Variants in LINGO2 observed in about 807,000 individuals in gnomAD.
LINGO2 encodes leucine-rich repeat and immunoglobulin-like domain-containing nogo receptor-interacting protein 2.
Under a neutral mutation model 30.6 loss-of-function variants are expected in LINGO2, and 14 were observed. That is an observed-to-expected ratio of 0.46 (90% CI 0.30 to 0.72). The LOEUF is 0.72. LINGO2 is among the 30% of genes least tolerant of loss of function. The pLI, the probability that LINGO2 is intolerant of heterozygous loss-of-function variation, is 0.07. For synonymous variants in LINGO2, 317 were observed against 288.5 expected (o/e 1.10, Z -1.00); for missense variants, 729 against 751.7 (o/e 0.97, Z 0.35).
At chr9:29,019,815 A>G in the LINGO2 span, among the ~76,000 whole-genome samples, 3 of 152,188 alleles carry the variant, frequency 2.0e-5, no homozygotes, top group South Asian at 6.2e-4. Flanking sequence ...ATTATCAGAT[A>G]TCTTTCTATT....
chr9:29,084,066 A>T, the LINGO2 span, among the ~76,000 whole-genome samples: 1 of 151,954 alleles, frequency 6.6e-6, no homozygotes, highest in Non-Finnish European at 1.5e-5. Flanking sequence ...ACTCTTTTCT[A>T]TACTAAAACT....
the LINGO2 span, among the ~76,000 whole-genome samples, chr9:28,921,830 T>C: frequency 6.6e-6 from 1 of 152,178 alleles, no homozygotes; most frequent in African/African-American, 2.4e-5. Flanking sequence ...TAGTTTCAAA[T>C]TGTAAACATC....
At chr9:28,804,534 C>T in the LINGO2 span, among the ~76,000 whole-genome samples, 1 of 53,544 alleles carries the variant, frequency 1.9e-5, no homozygotes, top group East Asian at 1.6e-3. Context: ...GTGTTCACGG[C>T]AAAAACAAAA....
At chr9:28,637,630 A>G (rs1460587911) in intron 1 of LINGO2, among the ~76,000 whole-genome samples, 1 of 152,064 alleles carries the variant, frequency 6.6e-6, no homozygotes, top group African/African-American at 2.4e-5. Flanking sequence ...TTTATCTGTT[A>G]TTGGTGTATA....
At chr9:28,168,390 T>C (rs539317297) in intron 4 of LINGO2, among the ~76,000 whole-genome samples, 1 of 152,334 alleles carries the variant, frequency 6.6e-6, no homozygotes, top group East Asian at 1.9e-4. Context: ...CAGGAAGGCT[T>C]CTTCAGGAAA....
chr9:28,854,865 G>A, the LINGO2 span, among the ~76,000 whole-genome samples: 3 of 152,058 alleles, frequency 2.0e-5, no homozygotes, highest in Non-Finnish European at 4.4e-5. Flanking sequence ...AGAGCCACAT[G>A]CTTGAGTTAG....
chr9:28,970,240 G>C, the LINGO2 span, among the ~76,000 whole-genome samples: 1 of 152,130 alleles, frequency 6.6e-6, no homozygotes. Context: ...GAAGGGCCTA[G>C]ACTACTGGAA....
intron 1 of LINGO2, among the ~76,000 whole-genome samples, chr9:28,534,767 G>A (rs1354527569): frequency 6.6e-6 from 1 of 152,048 alleles, no homozygotes; most frequent in Non-Finnish European, 1.5e-5. Context: ...TTGTACATCA[G>A]AAAAATATCT....
At chr9:29,039,976 G>A in the LINGO2 span, among the ~76,000 whole-genome samples, 1 of 151,946 alleles carries the variant, frequency 6.6e-6, no homozygotes, top group Non-Finnish European at 1.5e-5. Context: ...GTATAAAACA[G>A]AAAAAATCTA....
At chr9:29,056,981 G>T in the LINGO2 span, among the ~76,000 whole-genome samples, 1 of 152,024 alleles carries the variant, frequency 6.6e-6, no homozygotes, top group African/African-American at 2.4e-5. Context: ...TGCTGTTTTG[G>T]TGACTAGAGC....
At chr9:29,073,800 T>C in the LINGO2 span, among the ~76,000 whole-genome samples, 1 of 152,182 alleles carries the variant, frequency 6.6e-6, no homozygotes, top group African/African-American at 2.4e-5. Flanking sequence ...TTGAAATCAA[T>C]TAGTCTGAGT....
rs540060288 is a variant in LINGO2 at position 27,953,019 on chromosome 9, A to G, written c.-35-2313T>C. Among the ~76,000 whole-genome samples the G allele has an allele frequency of 2.0e-3, 308 of 152,272 alleles. 2 individuals are homozygous for G. Among genetic ancestry groups the G allele is most frequent in the African/African-American group, 6.8e-3 (281 of 41,582 alleles). On this transcript the variant is annotated intron_variant, in intron 5 of 5. Coordinates refer to ENST00000379992, the Ensembl canonical transcript of LINGO2. ...AATAGAAAATTAGGAAATGAGTATA[A>G]TAAAATTAAAAATAGCCAATAAGTA...
chr9:29,022,202 G>A, the LINGO2 span, among the ~76,000 whole-genome samples: 1 of 152,276 alleles, frequency 6.6e-6, no homozygotes, highest in South Asian at 2.1e-4. Flanking sequence ...GGATATGGAA[G>A]TATTTTGAAA....
the LINGO2 span, among the ~76,000 whole-genome samples, chr9:28,735,425 A>C: frequency 6.6e-6 from 1 of 152,174 alleles, no homozygotes; most frequent in Admixed American, 6.5e-5. Context: ...CTGATGCTTT[A>C]TCAATTAGAA....
chr9:28,807,840 T>C, the LINGO2 span, among the ~76,000 whole-genome samples: 1 of 152,182 alleles, frequency 6.6e-6, no homozygotes, highest in Non-Finnish European at 1.5e-5. Flanking sequence ...TATAAGCCTT[T>C]TGTGGGTCAG....
At chr9:28,424,406 A>G (rs1823322024) in intron 2 of LINGO2, among the ~76,000 whole-genome samples, 1 of 152,140 alleles carries the variant, frequency 6.6e-6, no homozygotes, top group Non-Finnish European at 1.5e-5. Flanking sequence ...TACCGTAGCC[A>G]ATAGCTAGAC....
intron 1 of LINGO2, among the ~76,000 whole-genome samples, chr9:28,534,063 C>T (rs1448966728): frequency 6.6e-6 from 1 of 152,144 alleles, no homozygotes; most frequent in Non-Finnish European, 1.5e-5. Context: ...ATATGTTTAG[C>T]AATTTATTTC....
intron 2 of LINGO2, among the ~76,000 whole-genome samples, chr9:28,457,317 G>A (rs1824890175): frequency 6.6e-6 from 1 of 152,128 alleles, no homozygotes; most frequent in African/African-American, 2.4e-5. Context: ...CTGAAATGCT[G>A]GCAAAGCACA....
At chr9:28,574,835 TGG>T (rs1563835735) in intron 1 of LINGO2, among the ~76,000 whole-genome samples, 1 of 152,202 alleles carries the variant, frequency 6.6e-6, no homozygotes, top group Non-Finnish European at 1.5e-5. Flanking sequence ...CTCAACATTC[TGG>T]GCTTCTCACT....
Sources: gnomAD v4.1 joint callset for allele counts (sites outside exome capture counted in the v4.1 genomes callset) on GRCh38, gnomAD v4.1.1 for gene constraint, MANE v1.5 for transcripts, NCBI Gene and HGNC (gene_info 2026-07-23, HGNC 2026-07-21) for gene names.